SPAG16: variants seen among roughly 807,000 people sequenced by gnomAD.
SPAG16 encodes the protein sperm associated antigen 16.
Under a neutral mutation model 80.4 loss-of-function variants are expected in SPAG16, and 86 were observed. That is an observed-to-expected ratio of 1.07 (90% CI 0.90 to 1.28). SPAG16 has a LOEUF of 1.28. Ranked by LOEUF, SPAG16 falls within the 50% of genes most tolerant of loss-of-function variation. The pLI, the probability that SPAG16 is intolerant of heterozygous loss-of-function variation, is 0.00. For synonymous variants in SPAG16, 294 were observed against 265.9 expected (o/e 1.11, Z -1.03); for missense variants, 870 against 765.3 (o/e 1.14, Z -1.61).
intron 10 of SPAG16, among the ~76,000 whole-genome samples, chr2:213,812,232 C>T (rs2072206430): frequency 2.6e-5 from 4 of 152,080 alleles, no homozygotes; most frequent in Admixed American, 2.6e-4. Context: ...AGAGAAGGAC[C>T]AGGATACTGG....
At chr2:214,312,453 A>G (rs2125980967) in intron 15 of SPAG16, among the ~76,000 whole-genome samples, 1 of 152,312 alleles carries the variant, frequency 6.6e-6, no homozygotes, top group African/African-American at 2.4e-5. Flanking sequence ...ATTTGCTCAT[A>G]TTCTCAAGGT....
chr2:213,960,463 G>T (rs1384586520), intron 12 of SPAG16, among the ~76,000 whole-genome samples: 3 of 151,962 alleles, frequency 2.0e-5, no homozygotes, highest in African/African-American at 7.2e-5. Flanking sequence ...TTGTTGTTGA[G>T]AACTAGATAG....
chr2:213,959,239 G>T (rs570721678), intron 12 of SPAG16, among the ~76,000 whole-genome samples: 1 of 152,134 alleles, frequency 6.6e-6, no homozygotes, highest in South Asian at 2.1e-4. Flanking sequence ...TGGTCTCTTT[G>T]ATTTCATCTT....
chr2:213,371,183 C>T (rs1351601576), intron 8 of SPAG16, among the ~76,000 whole-genome samples: 1 of 151,838 alleles, frequency 6.6e-6, no homozygotes, highest in Non-Finnish European at 1.5e-5. Flanking sequence ...CCGACGCAGG[C>T]GGATCACGAG....
intron 11 of SPAG16, among the ~76,000 whole-genome samples, chr2:213,892,012 T>C (rs994306794): frequency 1.3e-5 from 2 of 151,942 alleles, no homozygotes; most frequent in South Asian, 4.2e-4. Flanking sequence ...TGACAAAGGA[T>C]GGAGGTAGAA....
chr2:213,909,390 T>C (rs1438058793), intron 11 of SPAG16, among the ~76,000 whole-genome samples: 1 of 152,162 alleles, frequency 6.6e-6, no homozygotes, highest in Non-Finnish European at 1.5e-5. Flanking sequence ...AAAGTTCATA[T>C]GGAGCCAAAA....
chr2:214,151,274 A>G (rs1465847921), intron 15 of SPAG16, among the ~76,000 whole-genome samples: 1 of 152,080 alleles, frequency 6.6e-6, no homozygotes, highest in Non-Finnish European at 1.5e-5. Flanking sequence ...GGGAAAACAA[A>G]CATAAAATCT....
intron 4 of SPAG16, among the ~76,000 whole-genome samples, chr2:213,316,341 T>C (rs1284831688): frequency 6.6e-6 from 1 of 152,014 alleles, no homozygotes; most frequent in Non-Finnish European, 1.5e-5. Context: ...TTCTAGAAGG[T>C]ACTTCTCATA....
chr2:214,061,474 C>A (rs1316500402), intron 13 of SPAG16, among the ~76,000 whole-genome samples: 1 of 152,108 alleles, frequency 6.6e-6, no homozygotes, highest in Non-Finnish European at 1.5e-5. Context: ...ATCTCCAGGG[C>A]AGACCAGTAG....
At chr2:214,340,513 ATT>A (rs1056039311) in intron 15 of SPAG16, among the ~76,000 whole-genome samples, 1 of 152,194 alleles carries the variant, frequency 6.6e-6, no homozygotes, top group African/African-American at 2.4e-5. Context: ...GGATGTGAGT[ATT>A]TGAGTTGTTT....
chr2:213,833,499 A>G (rs2073847227), intron 10 of SPAG16, among the ~76,000 whole-genome samples: 1 of 4,814 alleles, frequency 2.1e-4, no homozygotes, highest in Non-Finnish European at 4.8e-4. Context: ...TATATAATAT[A>G]TATATTATAT....
intron 10 of SPAG16, among the ~76,000 whole-genome samples, chr2:213,496,691 T>C (rs528996029): frequency 6.6e-6 from 1 of 151,244 alleles, no homozygotes; most frequent in African/African-American, 2.4e-5. Context: ...AAGTACTTAA[T>C]TATACATATC....
intron 10 of SPAG16, among the ~76,000 whole-genome samples, chr2:213,673,701 C>A (rs1056206700): frequency 6.6e-6 from 1 of 152,048 alleles, no homozygotes; most frequent in African/African-American, 2.4e-5. Context: ...ACACTGGCTT[C>A]TACTAAGGTA....
intron 13 of SPAG16, among the ~76,000 whole-genome samples, chr2:214,051,577 T>C (rs2049643996): frequency 1.3e-5 from 2 of 152,242 alleles, no homozygotes; most frequent in Admixed American, 6.5e-5. Flanking sequence ...AATTATGCAC[T>C]ACCCCTGCTG....
At chr2:213,342,062 A>T (rs544481063) in intron 6 of SPAG16, among the ~76,000 whole-genome samples, 1 of 152,168 alleles carries the variant, frequency 6.6e-6, no homozygotes, top group African/African-American at 2.4e-5. Context: ...TTAACAGAAG[A>T]TAGTCAAGCC....
chr2:213,869,297 A>ATATATATATGTGTGTATATATATATG (rs1559538342), intron 11 of SPAG16, among the ~76,000 whole-genome samples: 2 of 124,912 alleles, frequency 1.6e-5, no homozygotes, highest in East Asian at 2.2e-4. Flanking sequence ...ATATATGTAT[A>ATATATATATGTGTGTATATATATATG]TATATATATA....
intron 11 of SPAG16, among the ~76,000 whole-genome samples, chr2:213,909,684 T>C (rs904707017): frequency 1.3e-5 from 2 of 152,078 alleles, no homozygotes; most frequent in African/African-American, 2.4e-5. Context: ...ATGTAGAAAG[T>C]TGAAACTGGA....
chr2:214,200,333 A>G (rs1445743572), intron 15 of SPAG16, among the ~76,000 whole-genome samples: 1 of 152,132 alleles, frequency 6.6e-6, no homozygotes, highest in South Asian at 2.1e-4. Flanking sequence ...TTTTACATCT[A>G]TTGAAATGAT....
At chr2:214,386,184 G>A (rs1574475039) in intron 15 of SPAG16, among the ~76,000 whole-genome samples, 1 of 152,148 alleles carries the variant, frequency 6.6e-6, no homozygotes, top group East Asian at 1.9e-4. Flanking sequence ...AGACCAGCCT[G>A]GGCAATAGGG....
Sources: allele counts gnomAD v4.1 joint callset (sites outside exome capture counted in the v4.1 genomes callset), GRCh38; gene constraint gnomAD v4.1.1; transcripts MANE v1.5; gene names NCBI Gene and HGNC (gene_info 2026-07-23, HGNC 2026-07-21).